Variants in PTH1R observed in about 807,000 individuals in gnomAD.
The protein encoded by PTH1R is parathyroid hormone 1 receptor.
A neutral mutation model predicts 70.7 loss-of-function variants in PTH1R; 32 were observed. The observed-to-expected ratio is 0.45, with a 90% CI of 0.34 to 0.61. PTH1R has a LOEUF of 0.61. PTH1R is among the 20% of genes least tolerant of loss of function. The probability of loss-of-function intolerance (pLI) is 0.01; values close to 1 mark genes in which losing one functional copy is unlikely to be tolerated. For missense variants in PTH1R, 626 were observed against 792.5 expected (o/e 0.79, Z 2.52); for synonymous variants, 329 against 324.8 (o/e 1.01, Z -0.14).
chr3:46,900,868 A>C (rs116473407), intron 10 of PTH1R, among the ~76,000 whole-genome samples, 157 bp from the exon 11 acceptor site: 6 of 152,168 alleles, frequency 3.9e-5, no homozygotes, highest in African/African-American at 1.4e-4. Flanking sequence ...AGGGCACCAC[A>C]TGGCAGAGTG....
In PTH1R at chr3:46,902,688, C is replaced by T. The variant is rs374278392; in HGVS notation, c.1353+21C>T. 1 of 1,613,960 alleles carries T rather than the reference C, an allele frequency of 6.2e-7. No individual in the cohort carries two copies. Among genetic ancestry groups the T allele is most frequent in the Non-Finnish European group, 8.5e-7 (1 of 1,180,024 alleles). On this transcript the variant is annotated intron_variant, in intron 14 of 15. Transcript: ENST00000449590. This position sits in a 1 kb window ranked among gnomAD's most constrained non-coding sequence, Gnocchi z 5.4. Reference sequence around the variant, plus strand: ...TCCAGGTGCGCAGTGCTGGCCCGGGCCTGGCTGAGGGTGGGAGGGGTTCCG... The same window carrying T: ...TCCAGGTGCGCAGTGCTGGCCCGGGTCTGGCTGAGGGTGGGAGGGGTTCCG...
intron 4 of PTH1R, 151 bp downstream of exon 4, chr3:46,894,160 G>A: frequency 1.3e-6 from 1 of 749,956 alleles, no homozygotes; most frequent in Non-Finnish European, 2.2e-6. Context: ...CCAAAGTGGG[G>A]TGCGTGGTGC....
Position 46,901,697 on chromosome 3 carries a change from C to G in PTH1R, c.1117-69C>G. 1 of 1,512,318 alleles carries G rather than the reference C, an allele frequency of 6.6e-7. No homozygotes were observed. The highest frequency in any genetic ancestry group is 9.2e-7 in the Non-Finnish European group (1 of 1,088,288). The allele number at this position is 1,512,318 out of a possible 1,614,324, so 93.7% of individuals were successfully genotyped here. Reference sequence around the variant, plus strand: ...GCAGTGACAGAGCAGAGCCTATGGCCGTGGCTGCCAGGCCTTGCCCCGCCC... The same window carrying G: ...GCAGTGACAGAGCAGAGCCTATGGCGGTGGCTGCCAGGCCTTGCCCCGCCC... On this transcript the variant is annotated intron_variant, in intron 12 of 15. Coordinates refer to ENST00000449590, the MANE Select transcript of PTH1R (RefSeq NM_000316.3). The surrounding 1 kb of genome is among the most constrained non-coding windows in gnomAD (Gnocchi z 7.3).
rs1180331149 is a variant in PTH1R, at chr3:46,883,088, G to GC, written c.-48-419dup. Among the ~76,000 whole-genome samples, 1 of 148,744 alleles carries GC rather than the reference G, an allele frequency of 6.7e-6. No individual in the cohort carries two copies. Among genetic ancestry groups the GC allele is most frequent in the African/African-American group, 2.5e-5 (1 of 40,248 alleles). Reference sequence around the variant, plus strand: ...AGACCGCGACCCCGACCCCTCCCCCGCCCCCTCCCCCCACTGGGCGTGGGG... The same window carrying GC: ...AGACCGCGACCCCGACCCCTCCCCCGCCCCCCTCCCCCCACTGGGCGTGGGG... On this transcript the variant is annotated intron_variant, in intron 2 of 15. Coordinates refer to ENST00000449590, the MANE Select transcript of PTH1R (RefSeq NM_000316.3). The surrounding 1 kb of genome is among the most constrained non-coding windows in gnomAD (Gnocchi z 6.4).
At position 46,893,694 on chromosome 3, in the gene PTH1R, G is replaced by C. The variant is rs557454475; in HGVS notation, c.76-213G>C. ...GAGAGAGCCCCTGCTTTTTCCCTTC[G>C]ATCAGGCAGGCCCTACCCCTCAGAG... On this transcript the variant is annotated intron_variant, in intron 3 of 15. Coordinates refer to ENST00000449590, the MANE Select transcript of PTH1R (RefSeq NM_000316.3). The surrounding 1 kb of genome is among the most constrained non-coding windows in gnomAD (Gnocchi z 5.2). Among the ~76,000 whole-genome samples, 2 of 152,112 alleles carry C rather than the reference G, an allele frequency of 1.3e-5. No homozygotes were observed. The highest frequency in any genetic ancestry group is 2.4e-5 in the African/African-American group (1 of 41,412).
rs2032159064 is a variant in PTH1R at position 46,902,034 on chromosome 3, C to T, written c.1211+174C>T. ...TGGCCTGCCCAGCAGTGATGGGAGG[C>T]CCTAGGGCACCCCAAAGCCAGCCTG... On this transcript the variant is annotated intron_variant, in intron 13 of 15. Transcript: ENST00000449590. This position sits in a 1 kb window ranked among gnomAD's most constrained non-coding sequence, Gnocchi z 5.4. 6.6e-6 allele frequency among the ~76,000 whole-genome samples: 1 copy of T among 152,220 alleles called. No homozygotes were observed. The highest frequency in any genetic ancestry group is 1.5e-5 in the Non-Finnish European group (1 of 68,036).
Position 46,882,565 on chromosome 3 carries a change from T to G in PTH1R, c.-48-947T>G, listed in dbSNP as rs2030675985. On this transcript the variant is annotated intron_variant, in intron 2 of 15. Transcript: ENST00000449590. This position sits in a 1 kb window ranked among gnomAD's most constrained non-coding sequence, Gnocchi z 4.3. ...GCAGCCAGGCTGCTCTGTCTCGGTGTCAGTCGGCGGCGCCTCCTCGGAACC... is the reference window on the plus strand; with the variant it reads ...GCAGCCAGGCTGCTCTGTCTCGGTGGCAGTCGGCGGCGCCTCCTCGGAACC... The G allele has an allele frequency of 6.8e-6, 1 of 147,838 alleles. No homozygotes were observed. The highest frequency in any genetic ancestry group is 6.7e-5 in the Admixed American group (1 of 14,994). 9.2% of individuals were successfully genotyped at this position (147,838 alleles called of 1,614,324 possible).
intron 4 of PTH1R, among the ~76,000 whole-genome samples, chr3:46,894,399 A>G (rs560872271): frequency 1.6e-4 from 25 of 152,184 alleles, no homozygotes; most frequent in Admixed American, 7.8e-4. Flanking sequence ...ACAAGCACAC[A>G]ATGACAAACA....
chr3:46,903,439 T>C lies in PTH1R; in HGVS notation c.1565T>C (p.Leu522Pro). The C allele has an allele frequency of 6.2e-7, 1 of 1,613,354 alleles. No homozygotes were observed. The highest frequency in any genetic ancestry group is 8.5e-7 in the Non-Finnish European group (1 of 1,179,846). ...CTCGGCCTGCCCCTCAGCCCCCGCC[T>C]ACTGCCCACTGCCACCACCAACGGC... ...VGLGLPLSPR[L>P]LPTATTNGHP... Residue 522 changes from leucine to proline, a missense_variant, in exon 16 of 16, where the codon CTA (leucine) becomes CCA (proline). This residue lies in a region of PTH1R where 495 missense variants were observed against 638.7 expected (regional missense o/e 0.77). Coordinates refer to ENST00000449590, the MANE Select transcript of PTH1R (RefSeq NM_000316.3). This position sits in a 1 kb window ranked among gnomAD's most constrained non-coding sequence, Gnocchi z 4.4.
rs142021243 is a variant in PTH1R at position 46,903,773 on chromosome 3, GA to G, written c.*127del. 4.3e-4 allele frequency: 580 copies of G among 1,351,510 alleles called. No individual in the cohort carries two copies. Among genetic ancestry groups the G allele is most frequent in the Admixed American group, 6.9e-4 (30 of 43,240 alleles). The allele number at this position is 1,351,510 out of a possible 1,614,324, so 83.7% of individuals were successfully genotyped here. On this transcript the variant is annotated 3_prime_UTR_variant, in exon 16 of 16. Coordinates refer to ENST00000449590, the MANE Select transcript of PTH1R (RefSeq NM_000316.3). The surrounding 1 kb of genome is among the most constrained non-coding windows in gnomAD (Gnocchi z 4.4). ...CCAAGAGGAAAAACAGGGAAAAAAA[GA>G]AAAAAAAAAGAAAAAGGAAAAGGAA... is the stretch of plus-strand genomic sequence containing the variant.
At chr3:46,898,539 G>T (rs1440793455) in intron 8 of PTH1R, 67 bp downstream of exon 8, 1 of 1,601,038 alleles carries the variant, frequency 6.2e-7, no homozygotes. Flanking sequence ...GGTCTGATGC[G>T]ACCCCCTCCC....
intron 3 of PTH1R, among the ~76,000 whole-genome samples, chr3:46,889,200 G>A (rs1486288206): frequency 6.6e-6 from 1 of 152,206 alleles, no homozygotes; most frequent in Non-Finnish European, 1.5e-5. Flanking sequence ...TGTGCTGGAG[G>A]CATCAACGGC....
In PTH1R at chr3:46,898,192, G is replaced by C; in HGVS notation, c.543G>C (p.Arg181=). The C allele has an allele frequency of 6.2e-7, 1 of 1,614,004 alleles. No homozygotes were observed. Among genetic ancestry groups the C allele is most frequent in the Non-Finnish European group, 8.5e-7 (1 of 1,179,924 alleles). The stretch of plus-strand genomic sequence containing the variant: ...TTCTCACCAATGAGACTCGTGAACG[G>C]GTGCGAGCCTTTCTCCTCCCCAACC... The part of the protein sequence containing the change: ...VKFLTNETRE[R]EVFDRLGMIY... The change falls in exon 7 of 16, where the codon CGG becomes CGC. Residue 181 remains arginine (R), a splice_region_variant and synonymous_variant. Transcript: ENST00000449590.
chr3:46,899,429 C>T lies in PTH1R; in HGVS notation c.961C>T (p.Leu321=), dbSNP rs757515259. 6.8e-6 allele frequency: 11 copies of T among 1,613,024 alleles called. No individual in the cohort carries two copies. Among genetic ancestry groups the T allele is most frequent in the African/African-American group, 4.0e-5 (3 of 74,920 alleles). ...FMAFFSEKKY[L]WGFTVFGWGL... ...GGCCTTCTTCTCAGAGAAGAAGTACCTGTGGGGCTTCACAGTCTTCGGCTG... is the reference window on the plus strand; with the variant it reads ...GGCCTTCTTCTCAGAGAAGAAGTACTTGTGGGGCTTCACAGTCTTCGGCTG... The change falls in exon 10 of 16, where the codon CTG becomes TTG. Residue 321 remains leucine, a synonymous_variant. Transcript: ENST00000449590.
In PTH1R at chr3:46,882,026, C is replaced by T. The variant is rs955209362; in HGVS notation, c.-49+908C>T. ...GCGGCGGCGTCCCGGGTTCCCTGCT[C>T]GGGTCTCGATGTTACAGCTGCCCCC... On this transcript the variant is annotated intron_variant, in intron 2 of 15. Coordinates refer to ENST00000449590, the MANE Select transcript of PTH1R (RefSeq NM_000316.3). The surrounding 1 kb of genome is among the most constrained non-coding windows in gnomAD (Gnocchi z 4.3). 1 of 152,158 alleles carries T rather than the reference C, an allele frequency of 6.6e-6. No individual in the cohort carries two copies. The highest frequency in any genetic ancestry group is 1.9e-4 in the East Asian group (1 of 5,152). 9.4% of individuals were successfully genotyped at this position (152,158 alleles called of 1,614,324 possible).
chr3:46,900,636 C>G (rs1156922826), intron 10 of PTH1R, among the ~76,000 whole-genome samples: 1 of 151,866 alleles, frequency 6.6e-6, no homozygotes, highest in Non-Finnish European at 1.5e-5. Context: ...GGGTGCTGTG[C>G]TGGGGCAAAA....
chr3:46,878,737 C>A (rs2030381207), intron 1 of PTH1R, among the ~76,000 whole-genome samples: 1 of 152,136 alleles, frequency 6.6e-6, no homozygotes, highest in Non-Finnish European at 1.5e-5. Context: ...CAGAGCCCTA[C>A]TCACGGTGGG....
intron 3 of PTH1R, among the ~76,000 whole-genome samples, chr3:46,885,479 C>T (rs1028195383): frequency 5.3e-5 from 8 of 152,174 alleles, no homozygotes; most frequent in African/African-American, 1.9e-4. Flanking sequence ...AATCACACAA[C>T]CACAATGACC....
chr3:46,901,901 T>C lies in PTH1R; in HGVS notation c.1211+41T>C. The stretch of plus-strand genomic sequence containing the variant: ...CTGCCATGCCCTGGCTCCTCAGGGG[T>C]CCCTGAGTCCTGGTACCATGTACCC... On this transcript the variant is annotated intron_variant, in intron 13 of 15. Coordinates refer to ENST00000449590, the MANE Select transcript of PTH1R (RefSeq NM_000316.3). The surrounding 1 kb of genome is among the most constrained non-coding windows in gnomAD (Gnocchi z 7.3). 1.3e-6 allele frequency: 2 copies of C among 1,529,020 alleles called. No homozygotes were observed. The allele number at this position is 1,529,020 out of a possible 1,614,324, so 94.7% of individuals were successfully genotyped here. A position where few individuals can be genotyped will look rare whatever the true frequency, so the allele number is the denominator to read the frequency against.
Sources: gnomAD v4.1 joint callset for allele counts (sites outside exome capture counted in the v4.1 genomes callset) on GRCh38, gnomAD v4.1.1 for gene constraint, gnomAD v4.1.1 regional missense constraint, Gnocchi (gnomAD v3.1) non-coding constraint, MANE v1.5 for transcripts, NCBI Gene and HGNC (gene_info 2026-07-23, HGNC 2026-07-21) for gene names.